Variants in PCDH11X observed in about 807,000 individuals in gnomAD.
PCDH11X encodes protocadherin 11 X-linked, also known as protocadherin-11 X-linked.
In PCDH11X, 18 loss-of-function variants were observed where a neutral mutation model predicts 53.3. That is an observed-to-expected ratio of 0.34 (90% CI 0.23 to 0.50). PCDH11X has a LOEUF of 0.50. Ranked by LOEUF, PCDH11X falls within the 20% of genes least tolerant of loss-of-function variation. The pLI, the probability that PCDH11X is intolerant of heterozygous loss-of-function variation, is 0.98. For missense variants in PCDH11X, 570 were observed against 1,032.4 expected (o/e 0.55, Z 6.14); for synonymous variants, 279 against 393.3 (o/e 0.71, Z 3.44).
At chrX:91,858,080 G>C (rs1347257327) in intron 5 of PCDH11X, among the ~76,000 whole-genome samples, 1 of 109,963 alleles carries the variant, frequency 9.1e-6, no homozygotes, top group Non-Finnish European at 1.9e-5. Flanking sequence ...AATCTTGGTG[G>C]AGGTTCCCAA....
At chrX:92,011,732 T>A (rs745794162) in intron 6 of PCDH11X, among the ~76,000 whole-genome samples, 1 of 111,369 alleles carries the variant, frequency 9.0e-6, no homozygotes, top group Admixed American at 9.6e-5. Flanking sequence ...ATATACAGAT[T>A]GATAGAAGAC....
chrX:92,414,653 A>C (rs1219733411), intron 9 of PCDH11X, among the ~76,000 whole-genome samples: 1 of 109,963 alleles, frequency 9.1e-6, no homozygotes, highest in Non-Finnish European at 1.9e-5. Flanking sequence ...ATATTGACAC[A>C]TACACTTTCA....
At chrX:92,420,973 A>G (rs2754980) in intron 9 of PCDH11X, among the ~76,000 whole-genome samples, 1 of 111,361 alleles carries the variant, frequency 9.0e-6, no homozygotes, top group South Asian at 3.7e-4. Context: ...AGCTCTTCTC[A>G]GTCTTTTTTC....
chrX:92,167,584 A>G (rs1289190742), intron 6 of PCDH11X, among the ~76,000 whole-genome samples: 2 of 111,780 alleles, frequency 1.8e-5, no homozygotes, highest in Non-Finnish European at 3.8e-5. Flanking sequence ...TACAGAACAA[A>G]GTTATAGAAT....
At chrX:92,274,252 G>A (rs2068027634) in intron 8 of PCDH11X, among the ~76,000 whole-genome samples, 1 of 109,457 alleles carries the variant, frequency 9.1e-6, no homozygotes, top group Middle Eastern at 4.6e-3. Context: ...TTAAGTTGGT[G>A]GCTGAGCTTG....
At chrX:92,479,154 T>G (rs2073450283) in intron 10 of PCDH11X, among the ~76,000 whole-genome samples, 1 of 111,638 alleles carries the variant, frequency 9.0e-6, no homozygotes, top group Admixed American at 9.5e-5. Flanking sequence ...TGGTTTAAAA[T>G]ATGTTTTTTC....
At chrX:92,132,653 A>ATG (rs1556040160) in intron 6 of PCDH11X, among the ~76,000 whole-genome samples, 5 of 54,481 alleles carry the variant, frequency 9.2e-5, no homozygotes, top group East Asian at 1.1e-3. Flanking sequence ...ATATATATAT[A>ATG]TATGTATATA....
At chrX:91,798,938 A>T (rs1201020377) in intron 1 of PCDH11X, among the ~76,000 whole-genome samples, 1 of 110,504 alleles carries the variant, frequency 9.0e-6, no homozygotes, top group Non-Finnish European at 1.9e-5. Flanking sequence ...AATATACATA[A>T]TTTCTGAAAT....
chrX:91,926,883 A>G (rs1291678739), intron 6 of PCDH11X, among the ~76,000 whole-genome samples: 2 of 110,720 alleles, frequency 1.8e-5, no homozygotes, highest in African/African-American at 3.3e-5. Flanking sequence ...TCATCCTACA[A>G]TGCTATAGAA....
intron 6 of PCDH11X, among the ~76,000 whole-genome samples, chrX:91,987,112 T>G (rs184081599): frequency 9.0e-6 from 1 of 111,476 alleles, no homozygotes; most frequent in African/African-American, 3.3e-5. Context: ...TGAAATGGAG[T>G]CTCCCTCTGT....
At chrX:92,174,618 G>T (rs771949406) in intron 6 of PCDH11X, among the ~76,000 whole-genome samples, 1 of 111,950 alleles carries the variant, frequency 8.9e-6, no homozygotes, top group African/African-American at 3.2e-5. Context: ...GAGAATGTTT[G>T]ATTTTAAAAG....
intron 8 of PCDH11X, among the ~76,000 whole-genome samples, chrX:92,355,417 C>CAAAAA (rs57339128): frequency 1.7e-3 from 39 of 23,593 alleles, no homozygotes; most frequent in Non-Finnish European, 2.0e-3. Flanking sequence ...GACTCCGTCT[C>CAAAAA]AAAAAAAAAA....
chrX:92,298,668 T>G lies in PCDH11X; in HGVS notation c.3144+35525T>G, dbSNP rs765941797. Among the ~76,000 whole-genome samples the G allele has an allele frequency of 1.6e-4, 18 of 111,322 alleles. No individual in the cohort carries two copies. In the East Asian group the frequency reaches 5.1e-3, roughly 32 times the overall value. Reference sequence around the variant, plus strand: ...ATGATATTGGCCTCGTAGAATGAGTTAGGGAAGAGTCCCTTTTTCTCCATA... The same window carrying G: ...ATGATATTGGCCTCGTAGAATGAGTGAGGGAAGAGTCCCTTTTTCTCCATA... On this transcript the variant is annotated intron_variant, in intron 8 of 10. Coordinates refer to ENST00000682573, the MANE Select transcript of PCDH11X (RefSeq NM_032968.5).
intron 10 of PCDH11X, among the ~76,000 whole-genome samples, chrX:92,513,511 A>C (rs1368653421): frequency 9.3e-6 from 1 of 108,050 alleles, no homozygotes; most frequent in Non-Finnish European, 1.9e-5. Flanking sequence ...CATAAGGTAA[A>C]ATTTCATGAG....
At chrX:91,842,623 A>G (rs183841986) in intron 5 of PCDH11X, among the ~76,000 whole-genome samples, 341 of 109,577 alleles carry the variant, frequency 3.1e-3, no homozygotes, top group African/African-American at 0.011. Flanking sequence ...TAAGAAACCT[A>G]TTGCTTATTC....
At chrX:91,810,794 C>T (rs1936269597) in intron 3 of PCDH11X, among the ~76,000 whole-genome samples, 1 of 111,912 alleles carries the variant, frequency 8.9e-6, no homozygotes, top group Admixed American at 9.5e-5. Flanking sequence ...ATAAATACCA[C>T]TAGCCAATGG....
At chrX:91,916,579 G>T (rs1941571798) in intron 6 of PCDH11X, among the ~76,000 whole-genome samples, 1 of 110,627 alleles carries the variant, frequency 9.0e-6, no homozygotes, top group African/African-American at 3.3e-5. Flanking sequence ...AGAGGAGATG[G>T]ATACATTCCT....
intron 6 of PCDH11X, among the ~76,000 whole-genome samples, chrX:91,918,372 A>G (rs1159058805): frequency 5.5e-5 from 6 of 108,517 alleles, no homozygotes; most frequent in Non-Finnish European, 9.6e-5. Context: ...TTTACTGAGT[A>G]ATATTACAAG....
intron 9 of PCDH11X, among the ~76,000 whole-genome samples, chrX:92,447,441 G>A (rs1008794872): frequency 1.8e-5 from 2 of 111,204 alleles, no homozygotes; most frequent in African/African-American, 6.6e-5. Flanking sequence ...AAATAAATGG[G>A]GCCAAGGTAC....
Sources: gnomAD v4.1 joint callset for allele counts (sites outside exome capture counted in the v4.1 genomes callset) on GRCh38, gnomAD v4.1.1 for gene constraint, MANE v1.5 for transcripts, NCBI Gene and HGNC (gene_info 2026-07-23, HGNC 2026-07-21) for gene names.